Variants in FRAS1 observed in about 807,000 individuals in gnomAD.
FRAS1 encodes Fraser extracellular matrix complex subunit 1.
Under a neutral mutation model 435.2 loss-of-function variants are expected in FRAS1, and 290 were observed. The observed-to-expected ratio is 0.67, with a 90% CI of 0.61 to 0.73. FRAS1 has a LOEUF of 0.73. FRAS1 is among the 30% of genes least tolerant of loss of function. The probability of loss-of-function intolerance (pLI) is 0.00; values close to 1 mark genes in which losing one functional copy is unlikely to be tolerated. For missense variants in FRAS1, 4,860 were observed against 5,001.5 expected (o/e 0.97, Z 0.85); for synonymous variants, 1,800 against 1,851.0 (o/e 0.97, Z 0.71).
intron 2 of FRAS1, among the ~76,000 whole-genome samples, chr4:78,162,777 T>TTG (rs1407880896): frequency 6.6e-6 from 1 of 152,198 alleles, no homozygotes; most frequent in East Asian, 1.9e-4. Context: ...AGCTGGTTCG[T>TTG]TGTGAAGCAT....
At chr4:78,522,997 C>G (rs1721434068) in intron 69 of FRAS1, among the ~76,000 whole-genome samples, 189 bp downstream of exon 69, 1 of 152,150 alleles carries the variant, frequency 6.6e-6, no homozygotes, top group Non-Finnish European at 1.5e-5. Flanking sequence ...ATCACTTGAA[C>G]TCAGGAGTGC....
At chr4:78,363,813 T>TG in intron 21 of FRAS1, 95 bp from the exon 22 acceptor site, 1 of 1,462,362 alleles carries the variant, frequency 6.8e-7, no homozygotes, top group Non-Finnish European at 9.3e-7. Context: ...TTGCCAATGT[T>TG]CTCAGTGTTG....
rs1337491839 is a variant in FRAS1, at chr4:78,532,231, T to C, written c.10926-2218T>C. Among the ~76,000 whole-genome samples the C allele has an allele frequency of 2.0e-5, 3 of 152,224 alleles. No homozygotes were observed. In the East Asian group the frequency reaches 5.8e-4, roughly 29 times the overall value. On this transcript the variant is annotated intron_variant, in intron 70 of 73. Transcript: ENST00000512123. The stretch of plus-strand genomic sequence containing the variant: ...GCTGACTGGTCATTCCTCTAATGTA[T>C]TGCACACACTCTTACCCCAGACCTT...
At chr4:78,127,613 T>A (rs188365405) in intron 2 of FRAS1, among the ~76,000 whole-genome samples, 48 of 151,672 alleles carry the variant, frequency 3.2e-4, no homozygotes, top group African/African-American at 1.1e-3. Context: ...TTGGGCCAAC[T>A]GGGTGAATAG....
Position 78,421,698 on chromosome 4 carries a change from T to G in FRAS1, c.4541-165T>G, listed in dbSNP as rs564619426. On this transcript the variant is annotated intron_variant, in intron 33 of 73. Coordinates refer to ENST00000512123, the MANE Select transcript of FRAS1 (RefSeq NM_025074.7). ...CTCATTTGGGTTTCAGATTTGCCCT[T>G]TCCTTAAATAACCAGAGAGTGGCAT... Among the ~76,000 whole-genome samples, 13 of 152,290 alleles carry G rather than the reference T, an allele frequency of 8.5e-5. No individual in the cohort carries two copies. The South Asian group carries it at 2.5e-3, about 29-fold the overall frequency.
At chr4:78,245,089 G>A (rs1725169061) in intron 3 of FRAS1, 144 bp from the exon 4 acceptor site, 1 of 647,792 alleles carries the variant, frequency 1.5e-6, no homozygotes, top group Non-Finnish European at 2.8e-6. Flanking sequence ...CTTTTTTTCA[G>A]TCTATTCATT....
chr4:78,193,637 C>T (rs1435855050), intron 2 of FRAS1, among the ~76,000 whole-genome samples: 3 of 152,124 alleles, frequency 2.0e-5, no homozygotes, highest in African/African-American at 4.8e-5. Flanking sequence ...GATCTTCCTC[C>T]ATCCCTTTAT....
intron 14 of FRAS1, among the ~76,000 whole-genome samples, chr4:78,296,636 A>C (rs917598722): frequency 8.5e-5 from 13 of 152,190 alleles, no homozygotes; most frequent in African/African-American, 3.1e-4. Flanking sequence ...CTAAGTGTGA[A>C]GCCCCTGGGC....
chr4:78,196,820 A>C (rs1346955354), intron 2 of FRAS1, among the ~76,000 whole-genome samples: 1 of 152,098 alleles, frequency 6.6e-6, no homozygotes, highest in Non-Finnish European at 1.5e-5. Flanking sequence ...GCCAACTTCA[A>C]TTTGTGGGGC....
rs1331511258 is a variant in FRAS1, at chr4:78,286,369, G to A, written c.1400-36G>A. Reference sequence around the variant, plus strand: ...GTGGTGTCTTTCAGCTAATCAAATGGTTCCTTTCTCTTTCTTCAACATTAT... The same window carrying A: ...GTGGTGTCTTTCAGCTAATCAAATGATTCCTTTCTCTTTCTTCAACATTAT... On this transcript the variant is annotated intron_variant, in intron 13 of 73. Coordinates refer to ENST00000512123, the MANE Select transcript of FRAS1 (RefSeq NM_025074.7). 5 of 1,611,794 alleles carry A rather than the reference G, an allele frequency of 3.1e-6. No homozygotes were observed. The Admixed American group carries it at 5.0e-5, about 16-fold the overall frequency.
chr4:78,093,735 G>C (rs985043642), intron 2 of FRAS1, among the ~76,000 whole-genome samples: 1 of 152,154 alleles, frequency 6.6e-6, no homozygotes, highest in Non-Finnish European at 1.5e-5. Context: ...CCAGTGAATG[G>C]TGAAAGAACA....
intron 2 of FRAS1, among the ~76,000 whole-genome samples, chr4:78,121,713 G>A (rs1157186897): frequency 2.6e-5 from 4 of 152,148 alleles, no homozygotes; most frequent in East Asian, 1.9e-4. Context: ...AGACTGGACC[G>A]TGTGTGTTTT....
At chr4:78,239,259 C>T (rs28708659) in intron 3 of FRAS1, among the ~76,000 whole-genome samples, 2,927 of 152,004 alleles carry the variant, frequency 0.019, 98 homozygotes, top group African/African-American at 0.067. Context: ...GTTGCTTTGG[C>T]CCAAAAACTT....
At chr4:78,344,402 G>C (rs1730518361) in intron 20 of FRAS1, among the ~76,000 whole-genome samples, 1 of 147,546 alleles carries the variant, frequency 6.8e-6, no homozygotes, top group Non-Finnish European at 1.5e-5. Flanking sequence ...GTCTAACAGA[G>C]GTTAAGTACC....
At position 78,508,828 on chromosome 4, in the gene FRAS1, C is replaced by A; in HGVS notation, c.9602C>A (p.Pro3201His). The A allele has an allele frequency of 1.9e-6, 3 of 1,613,714 alleles. No homozygotes were observed. The highest frequency in any genetic ancestry group is 2.5e-6 in the Non-Finnish European group (3 of 1,179,806). ...GGCTACCCACTGGTCTGTGTCACCC[C>A]CTGCGACCCTCATTTCCCCAGATAC... The part of the protein sequence containing the change: ...SPGYPLVCVT[P>H]CDPHFPRYAV... The change falls in exon 63 of 74, where the codon CCC becomes CAC. Residue 3201 changes from proline to histidine, a missense_variant. Coordinates refer to ENST00000512123, the MANE Select transcript of FRAS1 (RefSeq NM_025074.7).
chr4:78,344,572 G>A (rs549674924), intron 20 of FRAS1, among the ~76,000 whole-genome samples: 15 of 148,334 alleles, frequency 1.0e-4, no homozygotes, highest in African/African-American at 3.3e-4. Context: ...GCACACAATC[G>A]GGGCTCAAGA....
intron 70 of FRAS1, among the ~76,000 whole-genome samples, chr4:78,529,216 G>C (rs1164446479): frequency 6.6e-6 from 1 of 152,096 alleles, no homozygotes; most frequent in Non-Finnish European, 1.5e-5. Context: ...ACCATAGTTA[G>C]CCGAATGAAG....
intron 2 of FRAS1, among the ~76,000 whole-genome samples, chr4:78,191,468 C>T (rs11731155): frequency 0.27 from 41,255 of 150,750 alleles, 6,689 homozygotes; most frequent in South Asian, 0.53. Flanking sequence ...ATTACAGTAA[C>T]GTGAAAAAAT....
At chr4:78,087,496 C>T (rs1005066121) in intron 2 of FRAS1, among the ~76,000 whole-genome samples, 2 of 152,160 alleles carry the variant, frequency 1.3e-5, no homozygotes, top group African/African-American at 4.8e-5. Context: ...TCCCTGTTTG[C>T]AGATGACATG....
Sources: gnomAD v4.1 joint callset for allele counts (sites outside exome capture counted in the v4.1 genomes callset) on GRCh38, gnomAD v4.1.1 for gene constraint, MANE v1.5 for transcripts, NCBI Gene and HGNC (gene_info 2026-07-23, HGNC 2026-07-21) for gene names.